AFG2A: variants seen among roughly 807,000 people sequenced by gnomAD.
AFG2A encodes ATPase family gene 2 protein homolog A.
the AFG2A span, among the ~76,000 whole-genome samples, chr4:123,048,460 A>G: frequency 2.0e-5 from 3 of 152,162 alleles, no homozygotes; most frequent in Non-Finnish European, 4.4e-5. Context: ...TAGTGTAGAC[A>G]TTTTAACAAT....
At chr4:123,182,400 T>C in the AFG2A span, among the ~76,000 whole-genome samples, 3 of 152,184 alleles carry the variant, frequency 2.0e-5, no homozygotes, top group Admixed American at 6.5e-5. Flanking sequence ...TTAATTATAT[T>C]GTTCCTTTCT....
At chr4:123,088,007 T>A in the AFG2A span, among the ~76,000 whole-genome samples, 1 of 152,182 alleles carries the variant, frequency 6.6e-6, no homozygotes, top group Admixed American at 6.5e-5. Context: ...CAAATCTGAT[T>A]AGGTCATGTC....
chr4:123,291,247 G>T, the AFG2A span, among the ~76,000 whole-genome samples: 1 of 152,078 alleles, frequency 6.6e-6, no homozygotes, highest in Non-Finnish European at 1.5e-5. Context: ...TATTTGGCTT[G>T]TGTTTCTTTA....
chr4:123,303,668 G>A, the AFG2A span, among the ~76,000 whole-genome samples: 1 of 151,840 alleles, frequency 6.6e-6, no homozygotes, highest in African/African-American at 2.4e-5. Context: ...GGCTGAGGCT[G>A]GAGGATCACT....
the AFG2A span, chr4:122,923,437 A>G: frequency 1.1e-5 from 13 of 1,218,856 alleles, no homozygotes; most frequent in East Asian, 3.1e-4. Context: ...GCGGCACAGA[A>G]GCGTGTAAGA....
the AFG2A span, chr4:122,929,227 G>T: frequency 2.6e-6 from 4 of 1,534,020 alleles, no homozygotes; most frequent in South Asian, 2.6e-5. Context: ...TGACTATCTG[G>T]ATCAAAGCTG....
chr4:123,268,858 A>C, the AFG2A span, among the ~76,000 whole-genome samples: 1 of 152,230 alleles, frequency 6.6e-6, no homozygotes, highest in Non-Finnish European at 1.5e-5. Context: ...CAGAGCAATA[A>C]AGAGAAATCC....
At chr4:123,046,926 A>G in the AFG2A span, among the ~76,000 whole-genome samples, 4 of 152,324 alleles carry the variant, frequency 2.6e-5, no homozygotes, top group South Asian at 4.1e-4. Context: ...TGCACTTAAC[A>G]TAATGACCTC....
the AFG2A span, among the ~76,000 whole-genome samples, chr4:123,130,920 A>G: frequency 1.4e-5 from 2 of 142,356 alleles, no homozygotes; most frequent in Admixed American, 1.4e-4. Context: ...AGTGCTTGTT[A>G]TTGTCAGTGT....
the AFG2A span, among the ~76,000 whole-genome samples, chr4:122,960,391 A>G: frequency 6.6e-6 from 1 of 152,204 alleles, no homozygotes; most frequent in East Asian, 1.9e-4. Flanking sequence ...TGCTTACAAC[A>G]ATGTTTTCCA....
At chr4:123,264,073 A>G in the AFG2A span, among the ~76,000 whole-genome samples, 5 of 152,190 alleles carry the variant, frequency 3.3e-5, no homozygotes, top group Non-Finnish European at 7.4e-5. Flanking sequence ...ACCTGGATGG[A>G]ATTGGCAACC....
the AFG2A span, chr4:122,934,237 A>C: frequency 6.2e-7 from 1 of 1,614,214 alleles, no homozygotes; most frequent in Non-Finnish European, 8.5e-7. Context: ...TGATGCCCAA[A>C]GAATGGCCTT....
the AFG2A span, among the ~76,000 whole-genome samples, chr4:123,165,295 A>G: frequency 3.3e-5 from 5 of 152,298 alleles, no homozygotes; most frequent in South Asian, 1.0e-3. Flanking sequence ...ATACTACATT[A>G]TGGTGGAGGT....
the AFG2A span, among the ~76,000 whole-genome samples, chr4:123,082,236 T>C: frequency 6.6e-6 from 1 of 152,294 alleles, no homozygotes; most frequent in South Asian, 2.1e-4. Context: ...TCTCTTATGC[T>C]GTCTTCTAGG....
chr4:123,197,730 T>G, the AFG2A span, among the ~76,000 whole-genome samples: 2 of 151,674 alleles, frequency 1.3e-5, no homozygotes, highest in Non-Finnish European at 2.9e-5. Context: ...ATCACGCCAT[T>G]GCACTCCAGC....
chr4:123,059,424 A>G, the AFG2A span, among the ~76,000 whole-genome samples: 4 of 150,368 alleles, frequency 2.7e-5, no homozygotes, highest in Admixed American at 2.7e-4. Flanking sequence ...TGTTCTTGAG[A>G]TAGTTTACTG....
chr4:123,174,494 T>C, the AFG2A span, among the ~76,000 whole-genome samples: 3 of 152,222 alleles, frequency 2.0e-5, no homozygotes, highest in Non-Finnish European at 4.4e-5. Context: ...GCTAAGTCTA[T>C]TTTGAAATGT....
chr4:123,057,153 T>C, the AFG2A span: 3 of 1,583,206 alleles, frequency 1.9e-6, no homozygotes, highest in Non-Finnish European at 2.6e-6. Context: ...ACAAACCAAC[T>C]ACAGAATTTT....
At chr4:123,240,485 C>T in the AFG2A span, among the ~76,000 whole-genome samples, 1,841 of 152,220 alleles carry the variant, frequency 0.012, 12 homozygotes, top group African/African-American at 0.017. Flanking sequence ...CACTCAAAAC[C>T]GCACAACTAC....
Sources: allele counts gnomAD v4.1 joint callset (sites outside exome capture counted in the v4.1 genomes callset), GRCh38; gene constraint gnomAD v4.1.1; transcripts MANE v1.5; gene names NCBI Gene and HGNC (gene_info 2026-07-23, HGNC 2026-07-21).